Variants in TMC6 observed in about 807,000 individuals in gnomAD.
TMC6 encodes the protein transmembrane channel like 6.
In TMC6, 71 loss-of-function variants were observed where a neutral mutation model predicts 95.4. The ratio of observed to expected loss-of-function variants is 0.74; its 90% CI spans 0.61 to 0.91. The LOEUF (loss-of-function observed/expected upper bound fraction) is 0.91, where lower values mean the gene tolerates loss of function less well. Ranked by LOEUF, TMC6 falls within the 40% of genes least tolerant of loss-of-function variation. The pLI is 0.00. For missense variants in TMC6, 1,074 were observed against 1,079.1 expected (o/e 1.00, Z 0.07); for synonymous variants, 514 against 483.1 (o/e 1.06, Z -0.84).
chr17:78,118,149 A>C (rs769603286), intron 15 of TMC6: 22 of 757,772 alleles, frequency 2.9e-5, no homozygotes, highest in Non-Finnish European at 4.2e-5. Context: ...CCATCTGCTG[A>C]AGGTCGCTGC....
At chr17:78,132,260 C>T (rs1217567815), upstream of TMC6, 5 of 1,479,620 alleles carry the variant, frequency 3.4e-6, no homozygotes, top group South Asian at 3.5e-5. Context: ...GGGAGCCTGG[C>T]GGGCACCCCA....
In TMC6 at chr17:78,124,925, G is replaced by A. The variant is rs1434568400; in HGVS notation, c.597C>T (p.Cys199=). The stretch of plus-strand genomic sequence containing the variant: ...CATATCTGAGCCGGCCACAGCAGGA[G>A]CAGACCCCGCCGCTGCCCGGCTGGC... The part of the protein sequence containing the change: ...WRGQPGSGGV[C]SCCGRLRYAC... Residue 199 remains cysteine (C), a synonymous_variant, in exon 7 of 20, where the codon TGC becomes TGT. Transcript: ENST00000590602. 1 of 1,598,100 alleles carries A rather than the reference G, an allele frequency of 6.3e-7. No individual in the cohort carries two copies. Among genetic ancestry groups the A allele is most frequent in the South Asian group, 1.1e-5 (1 of 89,746 alleles).
upstream of TMC6, chr17:78,131,186 C>G (rs1288300395): frequency 3.0e-6 from 1 of 334,554 alleles, no homozygotes; most frequent in Non-Finnish European, 5.7e-6. Flanking sequence ...TGGGCCCAGG[C>G]ACAGGTGGAT....
intron 1 of TMC6, chr17:78,127,164 T>C: frequency 2.0e-6 from 1 of 508,870 alleles, no homozygotes; most frequent in East Asian, 3.5e-5. Flanking sequence ...ATCTGTTTCC[T>C]CGATGTCGCC....
rs770976228 is a variant in TMC6, at chr17:78,124,032, C to T, written c.1039G>A (p.Val347Met). 23 of 1,613,674 alleles carry T rather than the reference C, an allele frequency of 1.4e-5. No homozygotes were observed. The highest frequency in any genetic ancestry group is 3.3e-4 in the Middle Eastern group (2 of 6,084). The change falls in exon 9 of 20, where the codon GTG (valine) becomes ATG (methionine). Residue 347 changes from valine to methionine, a missense_variant. Transcript: ENST00000590602. ...CAGGTGATAAAGAAGCTCACGCCCA[C>T]AGTGGAGAGGTAGGCCAGGGGCATG... ...YNMPLAYLST[V>M]GVSFFITCIT...
chr17:78,123,945 G>A lies in TMC6; in HGVS notation c.1082+44C>T, dbSNP rs181115648. On this transcript the variant is annotated intron_variant, in intron 9 of 19. Coordinates refer to ENST00000590602, the MANE Select transcript of TMC6 (RefSeq NM_001127198.5). The stretch of plus-strand genomic sequence containing the variant: ...GAATGGGTCGAAAGATGAATGGATG[G>A]ATGAGTGGAGCTCGGAGCCTGGGTC... The A allele has an allele frequency of 1.4e-5, 22 of 1,604,892 alleles. No individual in the cohort carries two copies. The Admixed American group carries it at 1.8e-4, about 13-fold the overall frequency.
chr17:78,115,521 CGGGGAGG>C (rs1006350835), intron 18 of TMC6, among the ~76,000 whole-genome samples: 15 of 152,128 alleles, frequency 9.9e-5, no homozygotes, highest in Non-Finnish European at 1.9e-4. Context: ...GGAGGGGCCT[CGGGGAGG>C]AGGCCAGGCT....
Position 78,122,958 on chromosome 17 carries a change from C to G in TMC6, c.1083-209G>C, listed in dbSNP as rs1273514611. The stretch of plus-strand genomic sequence containing the variant: ...ACATAGCACCCACCAGCCACATCTG[C>G]CTAGAAGAGGGGGCAGGGCTGCATT... On this transcript the variant is annotated intron_variant, in intron 9 of 19. Coordinates refer to ENST00000590602, the MANE Select transcript of TMC6 (RefSeq NM_001127198.5). The surrounding 1 kb of genome is among the most constrained non-coding windows in gnomAD (Gnocchi z 4.9). 5.9e-6 allele frequency: 4 copies of G among 682,180 alleles called. No individual in the cohort carries two copies. The Admixed American group carries it at 9.4e-5, about 16-fold the overall frequency. 42.3% of individuals were successfully genotyped at this position (682,180 alleles called of 1,614,324 possible). A position where few individuals can be genotyped will look rare whatever the true frequency, so the allele number is the denominator to read the frequency against.
Position 78,117,243 on chromosome 17 carries a change from G to T in TMC6, c.2277+26C>A, listed in dbSNP as rs757331559. The T allele has an allele frequency of 3.1e-6, 5 of 1,612,626 alleles. No individual in the cohort carries two copies. In the Admixed American group the frequency reaches 6.7e-5, roughly 21 times the overall value. On this transcript the variant is annotated intron_variant, in intron 18 of 19. Transcript: ENST00000590602. ...CAGGTGACCTGAGAGGGTGGGGGCTGAGAGCAGCCCAGGAGGGGCACTCAC... is the reference window on the plus strand; with the variant it reads ...CAGGTGACCTGAGAGGGTGGGGGCTTAGAGCAGCCCAGGAGGGGCACTCAC...
At chr17:78,132,098 G>A (rs1180557482), upstream of TMC6, 2 of 1,532,176 alleles carry the variant, frequency 1.3e-6, no homozygotes, top group African/African-American at 2.7e-5. Flanking sequence ...TCGGAAAAAG[G>A]AGAGTGGCAT....
In TMC6 at chr17:78,111,999, C is replaced by T. The variant is rs958219133; in HGVS notation, c.*1149G>A. ...CGGGCTGGTTCCCGCAGGCCTGGAG[C>T]ACAGGCTGACGGGCTGGTCCCCACA... is the stretch of plus-strand genomic sequence containing the variant. On this transcript the variant is annotated 3_prime_UTR_variant, in exon 20 of 20. Transcript: ENST00000590602. 4 of 221,252 alleles carry T rather than the reference C, an allele frequency of 1.8e-5. No homozygotes were observed. Among genetic ancestry groups the T allele is most frequent in the Non-Finnish European group, 2.7e-5 (3 of 109,524 alleles). The allele number at this position is 221,252 out of a possible 1,614,324, so 13.7% of individuals were successfully genotyped here.
chr17:78,131,397 C>G, upstream of TMC6: 1 of 737,828 alleles, frequency 1.4e-6, no homozygotes, highest in Admixed American at 2.7e-5. Context: ...GGCAGAGCGG[C>G]AGACCCGGGC....
At chr17:78,127,494 C>A (rs2074782091) in intron 1 of TMC6, among the ~76,000 whole-genome samples, 1 of 152,234 alleles carries the variant, frequency 6.6e-6, no homozygotes, top group Non-Finnish European at 1.5e-5. Context: ...GCCCTGCATT[C>A]CATCATCCCA....
chr17:78,125,926 G>A (rs752260868), intron 4 of TMC6, 42 bp from the exon 5 acceptor site: 20 of 1,549,244 alleles, frequency 1.3e-5, no homozygotes, highest in Non-Finnish European at 1.6e-5. Flanking sequence ...GCAGGGCCAG[G>A]CCTCCCTCCC....
At chr17:78,127,401 G>A (rs992977882) in intron 1 of TMC6, among the ~76,000 whole-genome samples, 2 of 152,162 alleles carry the variant, frequency 1.3e-5, no homozygotes, top group Non-Finnish European at 2.9e-5. Flanking sequence ...AGCAGCACAG[G>A]GGGCTCCTCC....
rs149732983 is a variant in TMC6, at chr17:78,126,630, A to G, written c.75T>C (p.Tyr25=). The G allele has an allele frequency of 3.4e-5, 55 of 1,613,242 alleles. No individual in the cohort carries two copies. Among genetic ancestry groups the G allele is most frequent in the Non-Finnish European group, 4.6e-5 (54 of 1,179,970 alleles). Residue 25 remains tyrosine (Y), a synonymous_variant, in exon 3 of 20, where the codon TAT becomes TAC. Coordinates refer to ENST00000590602, the MANE Select transcript of TMC6 (RefSeq NM_001127198.5). ...PGDQGQGPSP[Y]DESEVHDSFQ... ...AGGAGTCGTGCACTTCGCTTTCATC[A>G]TAGGGGCTGGGGCCCTGGCTGCAGA...
rs750150319 is a variant in TMC6 at position 78,126,525 on chromosome 17, T to C, written c.180A>G (p.Thr60=). 1 of 1,613,418 alleles carries C rather than the reference T, an allele frequency of 6.2e-7. No homozygotes were observed. The highest frequency in any genetic ancestry group is 8.5e-7 in the Non-Finnish European group (1 of 1,179,988). The change falls in exon 3 of 20, where the codon ACA becomes ACG. Residue 60 remains threonine (T), a splice_region_variant and synonymous_variant. Transcript: ENST00000590602. ...LELQQREREV[T]GSSQQTLWRP... ...CCCAGCATCCAGGCCTGAGCTCACC[T>C]GTCACCTCCCGCTCTCTCTGCTGCA...
At chr17:78,123,145 G>A (rs552070383) in intron 9 of TMC6, 8 of 345,310 alleles carry the variant, frequency 2.3e-5, no homozygotes, top group South Asian at 9.4e-5. Flanking sequence ...GGCAAGTGCC[G>A]CCTCCCCTGG....
chr17:78,108,018 A>C lies in TMC6; in HGVS notation c.*5130T>G, dbSNP rs2073733976. On this transcript the variant is annotated 3_prime_UTR_variant, in exon 20 of 20. Coordinates refer to ENST00000590602, the MANE Select transcript of TMC6 (RefSeq NM_001127198.5). ...TCTCAGGTGGCACAGCTAGAAATTG[A>C]GTCCCTTCCTAGGACACTGGCCGTG... 1 of 152,258 alleles carries C rather than the reference A, an allele frequency of 6.6e-6. No individual in the cohort carries two copies. Among genetic ancestry groups the C allele is most frequent in the African/African-American group, 2.4e-5 (1 of 41,466 alleles). The allele number at this position is 152,258 out of a possible 1,614,324, so 9.4% of individuals were successfully genotyped here.
Sources: allele counts gnomAD v4.1 joint callset (sites outside exome capture counted in the v4.1 genomes callset), GRCh38; gene constraint gnomAD v4.1.1; non-coding constraint Gnocchi (gnomAD v3.1); transcripts MANE v1.5; gene names NCBI Gene and HGNC (gene_info 2026-07-23, HGNC 2026-07-21).